The following WRN variants were observed in gnomAD, a reference collection of about 807,000 sequenced individuals.
WRN encodes WRN RecQ like helicase.
In WRN, 149 loss-of-function variants were observed where a neutral mutation model predicts 180.7. That is an observed-to-expected ratio of 0.82 (90% CI 0.72 to 0.94). The LOEUF is 0.94. Ranked by LOEUF, WRN falls within the 40% of genes least tolerant of loss-of-function variation. The pLI, the probability that WRN is intolerant of heterozygous loss-of-function variation, is 0.00. For synonymous variants in WRN, 548 were observed against 568.9 expected, an observed-to-expected ratio of 0.96 and a Z score of 0.52; for missense variants, 1,661 against 1,700.1, an observed-to-expected ratio of 0.98 and a Z score of 0.40.
At position 31,132,370 on chromosome 8, in the gene WRN, A is replaced by G. The variant is rs1311166394; in HGVS notation, c.2831A>G (p.Asp944Gly). 8.1e-6 allele frequency: 13 copies of G among 1,613,772 alleles called. No individual in the cohort carries two copies. The highest frequency in any genetic ancestry group is 1.1e-5 in the Non-Finnish European group (13 of 1,179,946). Residue 944 changes from aspartate to glycine, a missense_variant, in exon 24 of 35, where the codon GAT becomes GGT. Transcript: ENST00000298139. ...KCCDNCRSRL[D>G]HCYSMDDSED... ...ATGTTATTATTTTTATTTAGATTGG[A>G]TCATTGCTATTCCATGGATGACTCA...
chr8:31,087,881 G>C lies in WRN; in HGVS notation c.1537G>C (p.Glu513Gln), dbSNP rs772584887. Residue 513 changes from glutamate to glutamine, a missense_variant, in exon 12 of 35, where the codon GAA (glutamate) becomes CAA (glutamine). By Grantham distance (29) the Glu-to-Gln change is conservative. Coordinates refer to ENST00000298139, the MANE Select transcript of WRN (RefSeq NM_000553.6). ...TACTAAAGAAGAAGAAGAAGATGAT[G>C]AAAATGAAGCTAATGAAGGGGAAGA... ...LPTKEEEEDD[E>Q]NEANEGEEDD... 8.7e-6 allele frequency: 14 copies of C among 1,613,594 alleles called. No individual in the cohort carries two copies. The highest frequency in any genetic ancestry group is 1.1e-5 in the Non-Finnish European group (13 of 1,179,760).
At position 31,064,914 on chromosome 8, in the gene WRN, G is replaced by A. The variant is rs746528374; in HGVS notation, c.356-1G>A. 1.2e-6 allele frequency: 2 copies of A among 1,613,336 alleles called. No homozygotes were observed. The highest frequency in any genetic ancestry group is 1.1e-5 in the South Asian group (1 of 91,014). ...ATGGAAATAACAAGAAAATGTTACA[G>A]TTTTTCCCCAGGGATTAAAAATGTT... On this transcript the variant is annotated splice_acceptor_variant, in intron 4 of 34. Transcript: ENST00000298139. LOFTEE classifies it high-confidence loss of function.
intron 3 of WRN, among the ~76,000 whole-genome samples, chr8:31,063,681 A>C (rs965426270): frequency 9.9e-5 from 15 of 152,240 alleles, no homozygotes; most frequent in African/African-American, 2.4e-5. Flanking sequence ...TCTAGTGAGA[A>C]GTAGTGTCTT....
intron 8 of WRN, among the ~76,000 whole-genome samples, chr8:31,077,989 G>C (rs11574217): frequency 6.6e-6 from 1 of 152,164 alleles, no homozygotes; most frequent in Admixed American, 6.5e-5. Flanking sequence ...TAGTCTTAGA[G>C]TCACAACAGG....
At chr8:31,107,114 G>T (rs1250807565) in intron 18 of WRN, among the ~76,000 whole-genome samples, 2 of 152,184 alleles carry the variant, frequency 1.3e-5, no homozygotes, top group African/African-American at 4.8e-5. Context: ...AACAGTAGAA[G>T]TAATAGCACC....
At chr8:31,099,164 C>T (rs113022417) in intron 17 of WRN, among the ~76,000 whole-genome samples, 3 of 150,860 alleles carry the variant, frequency 2.0e-5, no homozygotes, top group African/African-American at 4.9e-5. Flanking sequence ...TTTGGGAGGC[C>T]GAGGCGGGTG....
At chr8:31,069,107 G>A (rs1426311300) in intron 7 of WRN, among the ~76,000 whole-genome samples, 2 of 152,230 alleles carry the variant, frequency 1.3e-5, no homozygotes, top group Admixed American at 1.3e-4. Flanking sequence ...TTGATATAAA[G>A]TTATCACTAT....
intron 1 of WRN, among the ~76,000 whole-genome samples, chr8:31,045,736 C>A (rs1281382203): frequency 1.3e-5 from 2 of 152,068 alleles, no homozygotes; most frequent in Non-Finnish European, 1.5e-5. Context: ...TTAAAAGTTT[C>A]ATATTTAGTA....
At chr8:31,110,663 T>C (rs1409011151) in intron 18 of WRN, among the ~76,000 whole-genome samples, 1 of 152,150 alleles carries the variant, frequency 6.6e-6, no homozygotes, top group Non-Finnish European at 1.5e-5. Context: ...CTATGGTTGG[T>C]TTGTATAATA....
rs905275216 is a variant in WRN, at chr8:31,144,410, AC to A, written c.3383+788del. On this transcript the variant is annotated intron_variant, in intron 28 of 34. Transcript: ENST00000298139. ...GAGTGCAGTAGCACAATCTCGGCTC[AC>A]TGCAATCTTCGCCTCCCGGGTTCAA... 1.0e-3 allele frequency among the ~76,000 whole-genome samples: 153 copies of A among 149,746 alleles called. 5 individuals carry two copies. The highest frequency in any genetic ancestry group is 6.9e-3 in the Middle Eastern group (2 of 288).
At chr8:31,129,888 C>T (rs990366375) in intron 23 of WRN, among the ~76,000 whole-genome samples, 2 of 151,860 alleles carry the variant, frequency 1.3e-5, no homozygotes, top group African/African-American at 2.4e-5. Context: ...GCCTGTAGTC[C>T]CAGCTACTTG....
At chr8:31,063,271 T>C (rs1333148465) in intron 3 of WRN, among the ~76,000 whole-genome samples, 2 of 152,200 alleles carry the variant, frequency 1.3e-5, no homozygotes, top group Non-Finnish European at 2.9e-5. Context: ...CAACACTACG[T>C]TTTTGAGAAT....
chr8:31,173,073 A>G lies in WRN; in HGVS notation c.4270A>G (p.Lys1424Glu), dbSNP rs1254095845. 1 of 1,613,940 alleles carries G rather than the reference A, an allele frequency of 6.2e-7. No homozygotes were observed. The highest frequency in any genetic ancestry group is 8.5e-7 in the Non-Finnish European group (1 of 1,179,966). Residue 1424 changes from lysine (K) to glutamate (E), a missense_variant, in exon 35 of 35, where the codon AAA (lysine) becomes GAA (glutamate). By Grantham distance (56) the Lys-to-Glu change is moderately conservative. Around this residue, in one of 3 missense-constraint regions of WRN, gnomAD observed 1,141 missense variants for 1,149.4 expected, o/e 0.99. Coordinates refer to ENST00000298139, the MANE Select transcript of WRN (RefSeq NM_000553.6). ...GSDTSKKLMD[K>E]TKRGGLFS ...TGATACCAGCAAGAAATTAATGGAC[A>G]AAACGAAAAGGGGAGGTCTTTTTAG...
chr8:31,106,449 C>G (rs1248310033), intron 18 of WRN, among the ~76,000 whole-genome samples: 2 of 152,142 alleles, frequency 1.3e-5, no homozygotes, highest in African/African-American at 4.8e-5. Context: ...CTTCCATTTT[C>G]CCTCTGATCT....
At chr8:31,140,654 G>A (rs1802584282) in intron 24 of WRN, among the ~76,000 whole-genome samples, 1 of 152,214 alleles carries the variant, frequency 6.6e-6, no homozygotes, top group African/African-American at 2.4e-5. Context: ...AGTGTATCAT[G>A]TGCAAAAGCA....
intron 1 of WRN, among the ~76,000 whole-genome samples, chr8:31,048,238 T>G (rs915389591): frequency 6.6e-6 from 1 of 152,216 alleles, no homozygotes; most frequent in African/African-American, 2.4e-5. Context: ...CTGGTTTGTT[T>G]GCTTGGTCTG....
intron 18 of WRN, among the ~76,000 whole-genome samples, chr8:31,102,203 C>T (rs1800901447): frequency 1.3e-5 from 2 of 152,338 alleles, no homozygotes; most frequent in South Asian, 4.1e-4. Context: ...TGGAGCTGTT[C>T]TTCCCACCCC....
chr8:31,083,263 C>G (rs1813391355), intron 9 of WRN, among the ~76,000 whole-genome samples: 1 of 152,132 alleles, frequency 6.6e-6, no homozygotes, highest in South Asian at 2.1e-4. Flanking sequence ...AAAGATATTA[C>G]AATCATAGTA....
intron 16 of WRN, among the ~76,000 whole-genome samples, chr8:31,092,512 CAT>C (rs1452324389): frequency 5.3e-5 from 8 of 151,604 alleles, no homozygotes; most frequent in African/African-American, 7.3e-5. Context: ...CATACACACA[CAT>C]ATATTAATAT....
Sources: gnomAD v4.1 joint callset for allele counts (sites outside exome capture counted in the v4.1 genomes callset) on GRCh38, gnomAD v4.1.1 for gene constraint, gnomAD v4.1.1 regional missense constraint, MANE v1.5 for transcripts, NCBI Gene and HGNC (gene_info 2026-07-23, HGNC 2026-07-21) for gene names.